PIP5K1B: variants seen among roughly 807,000 people sequenced by gnomAD.
PIP5K1B encodes the protein phosphatidylinositol 4-phosphate 5-kinase type-1 beta.
A neutral mutation model predicts 67.0 loss-of-function variants in PIP5K1B; 42 were observed. The observed-to-expected ratio is 0.63, with a 90% CI of 0.49 to 0.81. The LOEUF (loss-of-function observed/expected upper bound fraction) is 0.81, where lower values mean the gene tolerates loss of function less well. Among genes scored for constraint, PIP5K1B ranks in the 30% least tolerant of loss-of-function variants. PIP5K1B has a pLI of 0.00. For missense variants in PIP5K1B, 459 were observed against 646.3 expected (o/e 0.71, Z 3.14); for synonymous variants, 214 against 231.4 (o/e 0.92, Z 0.68).
At position 68,923,398 on chromosome 9, in the gene PIP5K1B, A is replaced by G. The variant is rs766307537; in HGVS notation, c.1201+12A>G. ...CAAGAAAATTCAAGGTAAGATTCTT[A>G]TGAATTTTTTTTTTTACTTTTAGCA... On this transcript the variant is annotated intron_variant, in intron 12 of 15. Transcript: ENST00000265382. 2.1e-6 allele frequency: 3 copies of G among 1,441,662 alleles called. No homozygotes were observed. Among genetic ancestry groups the G allele is most frequent in the South Asian group, 2.5e-5 (2 of 80,576 alleles). 89.3% of individuals were successfully genotyped at this position (1,441,662 alleles called of 1,614,324 possible). A position where few individuals can be genotyped will look rare whatever the true frequency, so the allele number is the denominator to read the frequency against.
intron 4 of PIP5K1B, among the ~76,000 whole-genome samples, chr9:68,860,117 C>T (rs1036636785): frequency 2.6e-5 from 4 of 152,014 alleles, no homozygotes; most frequent in African/African-American, 9.7e-5. Flanking sequence ...ATGTAGTCAC[C>T]ATATTGTACA....
intron 15 of PIP5K1B, among the ~76,000 whole-genome samples, chr9:69,008,051 A>G (rs1831170051): frequency 6.6e-6 from 1 of 152,168 alleles, no homozygotes; most frequent in African/African-American, 2.4e-5. Context: ...CCACAGTGAT[A>G]TTGTTTGGAA....
chr9:68,780,643 C>G (rs747398323), intron 2 of PIP5K1B: 2 of 1,614,234 alleles, frequency 1.2e-6, no homozygotes, highest in Non-Finnish European at 1.7e-6. Context: ...TTTTCGCCAT[C>G]CTTGCAAAGT....
intron 12 of PIP5K1B, among the ~76,000 whole-genome samples, chr9:68,931,895 A>G (rs1240035851): frequency 6.6e-6 from 1 of 152,216 alleles, no homozygotes; most frequent in East Asian, 1.9e-4. Flanking sequence ...TACCCAGTCA[A>G]AAGAGATCCT....
At chr9:68,804,219 T>C (rs1041067876) in intron 2 of PIP5K1B, among the ~76,000 whole-genome samples, 2 of 152,142 alleles carry the variant, frequency 1.3e-5, no homozygotes, top group Non-Finnish European at 2.9e-5. Flanking sequence ...CATGCTCATA[T>C]TCTCAGGGTG....
intron 4 of PIP5K1B, 129 bp downstream of exon 4, chr9:68,822,812 T>TA: frequency 1.5e-6 from 1 of 679,738 alleles, no homozygotes; most frequent in Non-Finnish European, 2.6e-6. Flanking sequence ...CTGCTATAAC[T>TA]AATTACTGCA....
intron 6 of PIP5K1B, among the ~76,000 whole-genome samples, chr9:68,884,594 G>C (rs1392055313): frequency 1.3e-5 from 2 of 151,172 alleles, no homozygotes; most frequent in African/African-American, 4.9e-5. Flanking sequence ...AGCCTGGGGA[G>C]GTCGAGGCTA....
intron 2 of PIP5K1B, among the ~76,000 whole-genome samples, chr9:68,763,846 T>C (rs1169255421): frequency 1.3e-5 from 2 of 152,252 alleles, no homozygotes; most frequent in East Asian, 3.9e-4. Context: ...AGCTCCTATG[T>C]GAACATCACA....
chr9:68,969,367 C>CAAA (rs10573153), intron 14 of PIP5K1B, among the ~76,000 whole-genome samples: 3 of 84,124 alleles, frequency 3.6e-5, no homozygotes, highest in Non-Finnish European at 5.1e-5. Context: ...GACTCCACCT[C>CAAA]AAAAAAAAAA....
chr9:68,756,616 C>CAT (rs10674293), intron 2 of PIP5K1B, among the ~76,000 whole-genome samples: 105,859 of 151,906 alleles, frequency 0.7, 37,043 homozygotes, highest in African/African-American at 0.75. Context: ...ATAATGTGTA[C>CAT]ATGTTATTCT....
chr9:68,787,719 G>A (rs1400977736), intron 2 of PIP5K1B, among the ~76,000 whole-genome samples: 1 of 151,834 alleles, frequency 6.6e-6, no homozygotes, highest in East Asian at 1.9e-4. Flanking sequence ...TGCAACCTCC[G>A]CCTCCCGGGT....
At chr9:68,721,773 T>C (rs1446290109) in intron 1 of PIP5K1B, among the ~76,000 whole-genome samples, 2 of 152,176 alleles carry the variant, frequency 1.3e-5, no homozygotes, top group East Asian at 3.9e-4. Context: ...GACACAGTAT[T>C]ATGAGCTCTT....
At chr9:68,733,386 G>A (rs910915481) in intron 1 of PIP5K1B, among the ~76,000 whole-genome samples, 5 of 152,144 alleles carry the variant, frequency 3.3e-5, no homozygotes, top group Non-Finnish European at 7.4e-5. Flanking sequence ...GTGTCTACCA[G>A]TCTAACTGGT....
chr9:68,784,234 T>A (rs1438857795), intron 2 of PIP5K1B: 1 of 167,136 alleles, frequency 6.0e-6, no homozygotes, highest in African/African-American at 2.4e-5. Flanking sequence ...GTAAGAATTA[T>A]CCTTCAAAAA....
intron 8 of PIP5K1B, among the ~76,000 whole-genome samples, chr9:68,896,315 C>T (rs999138308): frequency 9.3e-5 from 14 of 150,702 alleles, no homozygotes; most frequent in East Asian, 3.9e-4. Flanking sequence ...AAGCCTTTAT[C>T]TGCTGCCTTC....
Position 68,858,606 on chromosome 9 carries a change from G to T in PIP5K1B, c.70-5231G>T, listed in dbSNP as rs376601457. ...ATAGGCTTCCAGTGTTAAGCTAAGG[G>T]GTTTGGACTTAATCCTCCAGGGAGG... On this transcript the variant is annotated intron_variant, in intron 4 of 15. Transcript: ENST00000265382. 8.5e-4 allele frequency among the ~76,000 whole-genome samples: 130 copies of T among 152,252 alleles called. 1 individual carries two copies. In the South Asian group the frequency reaches 0.026, roughly 31 times the overall value.
At chr9:68,848,053 CTGTGTAGCCT>C in intron 4 of PIP5K1B, among the ~76,000 whole-genome samples, 1 of 152,280 alleles carries the variant, frequency 6.6e-6, no homozygotes, top group East Asian at 1.9e-4. Context: ...CACCTCCTCA[CTGTGTAGCCT>C]TGGATAAGCT....
chr9:68,853,843 A>T (rs1040066149), intron 4 of PIP5K1B, among the ~76,000 whole-genome samples: 5 of 152,076 alleles, frequency 3.3e-5, no homozygotes, highest in Non-Finnish European at 5.9e-5. Context: ...CAGCCTTTTC[A>T]GTTCCTGGTA....
chr9:68,767,186 G>A (rs1239711488), intron 2 of PIP5K1B, among the ~76,000 whole-genome samples: 1 of 152,178 alleles, frequency 6.6e-6, no homozygotes, highest in Non-Finnish European at 1.5e-5. Context: ...ATACCAAAAT[G>A]ATCTTAGTAC....
Sources: gnomAD v4.1 joint callset for allele counts (sites outside exome capture counted in the v4.1 genomes callset) on GRCh38, gnomAD v4.1.1 for gene constraint, MANE v1.5 for transcripts, NCBI Gene and HGNC (gene_info 2026-07-23, HGNC 2026-07-21) for gene names.